Variants in SHROOM3 observed in about 807,000 individuals in gnomAD.
SHROOM3 encodes shroom family member 3.
SHROOM3 carries 47 observed loss-of-function variants against 138.6 expected under a neutral mutation model. The ratio of observed to expected loss-of-function variants is 0.34; its 90% CI spans 0.27 to 0.43. The LOEUF is 0.43. Among genes scored for constraint, SHROOM3 ranks in the 20% least tolerant of loss-of-function variants. The probability of loss-of-function intolerance (pLI) is 1.00; values close to 1 mark genes in which losing one functional copy is unlikely to be tolerated. For synonymous variants in SHROOM3, 1,062 were observed against 1,063.3 expected, an observed-to-expected ratio of 1.00 and a Z score of 0.02; for missense variants, 2,491 against 2,596.5, an observed-to-expected ratio of 0.96 and a Z score of 0.88.
intron 2 of SHROOM3, among the ~76,000 whole-genome samples, chr4:76,589,359 C>A (rs1310916397): frequency 1.3e-5 from 2 of 151,740 alleles, no homozygotes; most frequent in African/African-American, 2.4e-5. Context: ...CCCAGCTAAT[C>A]GGGAGGCTGA....
At chr4:76,656,842 TCAAA>T (rs1175053127) in intron 2 of SHROOM3, among the ~76,000 whole-genome samples, 1 of 152,064 alleles carries the variant, frequency 6.6e-6, no homozygotes, top group Non-Finnish European at 1.5e-5. Flanking sequence ...TTGTGAAAAA[TCAAA>T]CAAGTTCCTG....
Position 76,655,376 on chromosome 4 carries a change from A to C in SHROOM3, c.324-54780A>C, listed in dbSNP as rs73826412. ...CTTGTTAAATGATTCAGTCATTTAT[A>C]CATTTTTAGCATCACCATTACATTC... On this transcript the variant is annotated intron_variant, in intron 2 of 10. Transcript: ENST00000296043. 9.3e-3 allele frequency among the ~76,000 whole-genome samples: 1,416 copies of C among 152,318 alleles called. 20 individuals carry two copies. Among genetic ancestry groups the C allele is most frequent in the African/African-American group, 0.033 (1,355 of 41,578 alleles).
intron 1 of SHROOM3, among the ~76,000 whole-genome samples, chr4:76,507,856 A>G (rs1429183409): frequency 1.3e-5 from 2 of 152,202 alleles, no homozygotes; most frequent in Non-Finnish European, 2.9e-5. Flanking sequence ...TCGTTTGTAT[A>G]TCTTCTTATC....
In SHROOM3 at chr4:76,493,175, C is replaced by T. The variant is rs976513645; in HGVS notation, c.168+56955C>T. Among the ~76,000 whole-genome samples, 8 of 139,958 alleles carry T rather than the reference C, an allele frequency of 5.7e-5. No individual in the cohort carries two copies. The East Asian group carries it at 1.3e-3, about 23-fold the overall frequency. The allele number at this position is 139,958 out of a possible 152,430, so 91.8% of individuals were successfully genotyped here. On this transcript the variant is annotated intron_variant, in intron 1 of 10. Transcript: ENST00000296043. ...GGCGGCGGTTGCAGTGAGCCAAGAT[C>T]GTGCCACTGCACTCCAGCCTGGGCA...
rs554766280 is a variant in SHROOM3, at chr4:76,435,625, C to A, written c.-428C>A. 1 of 153,146 alleles carries A rather than the reference C, an allele frequency of 6.5e-6. No individual in the cohort carries two copies. The highest frequency in any genetic ancestry group is 1.9e-4 in the East Asian group (1 of 5,192). 9.5% of individuals were successfully genotyped at this position (153,146 alleles called of 1,614,324 possible). On this transcript the variant is annotated 5_prime_UTR_variant, in exon 1 of 11. Transcript: ENST00000296043. ...ATAATCAATCAAAAATGAGGTATTC[C>A]TTTGAGTATTTGTGATTTTCTTACT... is the stretch of plus-strand genomic sequence containing the variant.
chr4:76,750,306 A>G (rs78017210), intron 6 of SHROOM3, among the ~76,000 whole-genome samples: 3,364 of 152,304 alleles, frequency 0.022, 58 homozygotes, highest in Non-Finnish European at 0.035. Flanking sequence ...ACAATCAAAT[A>G]ACCCTATTTA....
chr4:76,624,637 T>C (rs72661449), intron 2 of SHROOM3, among the ~76,000 whole-genome samples: 13,134 of 152,196 alleles, frequency 0.086, 597 homozygotes, highest in East Asian at 0.13. Context: ...AGAGTGGTTA[T>C]CGTGGTGTTT....
intron 2 of SHROOM3, among the ~76,000 whole-genome samples, chr4:76,653,738 G>T (rs114517683): frequency 0.017 from 2,618 of 151,972 alleles, 67 homozygotes; most frequent in African/African-American, 0.061. Flanking sequence ...GCTAATTTTT[G>T]TATTTTCAGT....
rs755692529 is a variant in SHROOM3 at position 76,740,743 on chromosome 4, A to C, written c.2570A>C (p.Glu857Ala). The C allele has an allele frequency of 6.2e-7, 1 of 1,613,220 alleles. No homozygotes were observed. Residue 857 changes from glutamate (E) to alanine (A), a missense_variant, in exon 5 of 11, where the codon GAG becomes GCG. By Grantham distance (107) the Glu-to-Ala change is moderately radical. Around this residue, in one of 4 missense-constraint regions of SHROOM3, gnomAD observed 1,733 missense variants for 1,661.6 expected, o/e 1.04. Coordinates refer to ENST00000296043, the MANE Select transcript of SHROOM3 (RefSeq NM_020859.4). This position sits in a 1 kb window ranked among gnomAD's most constrained non-coding sequence, Gnocchi z 4.0. ...HFKNGELKLE[E>A]ASRQPCGQQL... ...AAAAACGGGGAGCTGAAGTTGGAAG[A>C]GGCTTCCCGGCAGCCCTGCGGTCAG...
chr4:76,510,541 G>A (rs974624630), intron 1 of SHROOM3, among the ~76,000 whole-genome samples: 1 of 152,306 alleles, frequency 6.6e-6, no homozygotes, highest in South Asian at 2.1e-4. Context: ...TATACACAAA[G>A]TGCTTAGCAC....
Position 76,521,653 on chromosome 4 carries a change from T to A in SHROOM3, c.169-33956T>A, listed in dbSNP as rs78938120. Among the ~76,000 whole-genome samples the A allele has an allele frequency of 9.8e-3, 1,495 of 152,308 alleles. 26 individuals are homozygous for A. Among genetic ancestry groups the A allele is most frequent in the African/African-American group, 0.032 (1,329 of 41,556 alleles). On this transcript the variant is annotated intron_variant, in intron 1 of 10. Transcript: ENST00000296043. ...CGGCAAAGTCATTGTGCCCCAGTGA[T>A]GCCCATGATTAATAAAAGGTGACGT... is the stretch of plus-strand genomic sequence containing the variant.
chr4:76,601,221 C>A (rs1428645574), intron 2 of SHROOM3, among the ~76,000 whole-genome samples: 1 of 152,116 alleles, frequency 6.6e-6, no homozygotes, highest in Non-Finnish European at 1.5e-5. Context: ...GGACATTTAA[C>A]AATATCTGGA....
intron 1 of SHROOM3, among the ~76,000 whole-genome samples, chr4:76,481,241 T>G (rs549938851): frequency 1.3e-5 from 2 of 151,822 alleles, no homozygotes; most frequent in African/African-American, 4.8e-5. Flanking sequence ...GCCAGACTAA[T>G]AAAGAAGAAA....
intron 1 of SHROOM3, among the ~76,000 whole-genome samples, chr4:76,529,313 G>A (rs927169463): frequency 6.6e-6 from 1 of 151,600 alleles, no homozygotes; most frequent in Non-Finnish European, 1.5e-5. Context: ...ATATCTTTTT[G>A]TAGGATTCTT....
chr4:76,479,265 C>T (rs1178696811), intron 1 of SHROOM3, among the ~76,000 whole-genome samples: 3 of 151,844 alleles, frequency 2.0e-5, no homozygotes, highest in Non-Finnish European at 2.9e-5. Flanking sequence ...CTAGAACACC[C>T]AGTTTAGAGA....
chr4:76,669,622 C>G (rs958076162), intron 2 of SHROOM3, among the ~76,000 whole-genome samples: 3 of 151,508 alleles, frequency 2.0e-5, no homozygotes, highest in African/African-American at 7.3e-5. Flanking sequence ...AAAAAAGAAT[C>G]CTAGATACTT....
intron 1 of SHROOM3, among the ~76,000 whole-genome samples, chr4:76,504,574 T>C (rs1376926327): frequency 6.6e-6 from 1 of 152,218 alleles, no homozygotes; most frequent in Non-Finnish European, 1.5e-5. Flanking sequence ...AATATAAATT[T>C]TAATATGATT....
In SHROOM3 at chr4:76,547,689, G is replaced by A. The variant is rs554520811; in HGVS notation, c.169-7920G>A. Among the ~76,000 whole-genome samples, 4 of 152,274 alleles carry A rather than the reference G, an allele frequency of 2.6e-5. No homozygotes were observed. In the East Asian group the frequency reaches 7.7e-4, roughly 29 times the overall value. ...TCATGCCTGTAATCCTTGCACTTTG[G>A]GAGGCTGAGGTGGGTGGATCACTTG... On this transcript the variant is annotated intron_variant, in intron 1 of 10. Transcript: ENST00000296043.
intron 2 of SHROOM3, among the ~76,000 whole-genome samples, chr4:76,605,925 CTCTCTCTCTA>C (rs1464744601): frequency 1.4e-5 from 2 of 140,898 alleles, no homozygotes; most frequent in East Asian, 2.0e-4. Flanking sequence ...CTCTCTCTCT[CTCTCTCTCTA>C]TATATATATA....
Sources: gnomAD v4.1 joint callset for allele counts (sites outside exome capture counted in the v4.1 genomes callset) on GRCh38, gnomAD v4.1.1 for gene constraint, gnomAD v4.1.1 regional missense constraint, Gnocchi (gnomAD v3.1) non-coding constraint, MANE v1.5 for transcripts, NCBI Gene and HGNC (gene_info 2026-07-23, HGNC 2026-07-21) for gene names.